ZNF430: variants seen among roughly 807,000 people sequenced by gnomAD.
ZNF430 encodes the protein zinc finger protein 430.
In ZNF430, 35 loss-of-function variants were observed where a neutral mutation model predicts 56.7. The ratio of observed to expected loss-of-function variants is 0.62; its 90% confidence interval spans 0.47 to 0.82. The LOEUF (loss-of-function observed/expected upper bound fraction) is 0.82. ZNF430 is among the 40% of genes least tolerant of loss of function. The probability of loss-of-function intolerance (pLI) is 0.00; values close to 1 mark genes in which losing one functional copy is unlikely to be tolerated. For missense variants in ZNF430, 574 were observed against 661.0 expected, an observed-to-expected ratio of 0.87 and a Z score of 1.44; for synonymous variants, 212 against 224.3, an observed-to-expected ratio of 0.94 and a Z score of 0.49.
rs186092208 is a variant in ZNF430 at position 21,027,483 on chromosome 19, G to A, written c.96+4602G>A. Among the ~76,000 whole-genome samples the A allele has an allele frequency of 5.4e-3, 826 of 152,236 alleles. 14 individuals are homozygous for A. The highest frequency in any genetic ancestry group is 6.3e-3 in the Non-Finnish European group (426 of 68,016). Reference sequence around the variant, plus strand: ...TGGAACCAACTTGCCTCCCAGAGATGCAGCCTACTTGATTATAGTGGATTA... The same window carrying A: ...TGGAACCAACTTGCCTCCCAGAGATACAGCCTACTTGATTATAGTGGATTA... On this transcript the variant is annotated intron_variant, in intron 2 of 4. Transcript: ENST00000261560.
intron 4 of ZNF430, among the ~76,000 whole-genome samples, chr19:21,047,155 G>T (rs993808807): frequency 1.3e-5 from 2 of 152,166 alleles, no homozygotes; most frequent in Non-Finnish European, 2.9e-5. Flanking sequence ...GCGTTGTGAA[G>T]TTCTGATGCT....
chr19:21,050,429 G>A (rs1230679856), intron 4 of ZNF430, among the ~76,000 whole-genome samples: 2 of 152,108 alleles, frequency 1.3e-5, no homozygotes, highest in African/African-American at 4.8e-5. Context: ...ATATAAATCA[G>A]CCATATGTCT....
chr19:21,033,584 T>C lies in ZNF430; in HGVS notation c.223+2T>C, dbSNP rs774799467. 1.2e-6 allele frequency: 2 copies of C among 1,604,582 alleles called. No individual in the cohort carries two copies. The highest frequency in any genetic ancestry group is 2.2e-5 in the South Asian group (2 of 90,088). On this transcript the variant is annotated splice_donor_variant, in intron 3 of 4. Coordinates refer to ENST00000261560, the MANE Select transcript of ZNF430 (RefSeq NM_025189.4). LOFTEE classifies it high-confidence loss of function. ...ACTACAGAAACCTGGTCTTCTTGGGTGAGAATAACTTTAGTACACAATTAC... is the reference window on the plus strand; with the variant it reads ...ACTACAGAAACCTGGTCTTCTTGGGCGAGAATAACTTTAGTACACAATTAC...
chr19:21,040,838 T>A (rs1247370368), intron 4 of ZNF430, among the ~76,000 whole-genome samples: 1 of 152,168 alleles, frequency 6.6e-6, no homozygotes, highest in Non-Finnish European at 1.5e-5. Context: ...TATATACATA[T>A]ACATATAAAC....
At chr19:21,049,111 T>C (rs993747775) in intron 4 of ZNF430, among the ~76,000 whole-genome samples, 2 of 142,152 alleles carry the variant, frequency 1.4e-5, no homozygotes, top group Non-Finnish European at 3.0e-5. Flanking sequence ...ATGACAGAGG[T>C]TGCAGTGAGC....
chr19:21,052,574 T>C (rs1968300936), intron 4 of ZNF430, among the ~76,000 whole-genome samples: 1 of 152,230 alleles, frequency 6.6e-6, no homozygotes, highest in Non-Finnish European at 1.5e-5. Flanking sequence ...TTAATGTCTT[T>C]GTCTCTTTGC....
chr19:21,024,252 T>TG (rs949517826), intron 2 of ZNF430, among the ~76,000 whole-genome samples: 24 of 152,190 alleles, frequency 1.6e-4, no homozygotes, highest in African/African-American at 5.8e-4. Flanking sequence ...CACAGGCAGA[T>TG]GCAGTTAAGG....
At chr19:21,025,844 G>A (rs764417178) in intron 2 of ZNF430, 5 of 251,470 alleles carry the variant, frequency 2.0e-5, no homozygotes, top group Non-Finnish European at 3.8e-5. Context: ...ATTGGAACTG[G>A]GAAACCTCCT....
At chr19:21,025,643 A>G (rs977002657) in intron 2 of ZNF430, among the ~76,000 whole-genome samples, 1 of 151,582 alleles carries the variant, frequency 6.6e-6, no homozygotes, top group Non-Finnish European at 1.5e-5. Flanking sequence ...CTGGAGTGCA[A>G]CGGCATCATC....
At chr19:21,047,896 C>T (rs1021133070) in intron 4 of ZNF430, among the ~76,000 whole-genome samples, 3 of 152,168 alleles carry the variant, frequency 2.0e-5, no homozygotes, top group Non-Finnish European at 4.4e-5. Context: ...GAGGGAAATT[C>T]CATACATCTG....
rs984369941 is a variant in ZNF430 at position 21,034,245 on chromosome 19, A to G, written c.322+61A>G. ...AGAGGTCCAAAAAAGAAGAAAGCCA[A>G]TGCTTAAAATGTTATTTGAGAATCT... On this transcript the variant is annotated intron_variant, in intron 4 of 4. Transcript: ENST00000261560. The G allele has an allele frequency of 1.6e-5, 18 of 1,146,724 alleles. No homozygotes were observed. The African/African-American group carries it at 1.7e-4, about 11-fold the overall frequency. 71.0% of individuals were successfully genotyped at this position (1,146,724 alleles called of 1,614,324 possible).
At position 21,053,946 on chromosome 19, in the gene ZNF430, T is replaced by A. The variant is rs148048266; in HGVS notation, c.323-2685T>A. 4.2e-3 allele frequency among the ~76,000 whole-genome samples: 635 copies of A among 152,084 alleles called. 5 individuals are homozygous for A. The highest frequency in any genetic ancestry group is 0.014 in the African/African-American group (583 of 41,512). On this transcript the variant is annotated intron_variant, in intron 4 of 4. Coordinates refer to ENST00000261560, the MANE Select transcript of ZNF430 (RefSeq NM_025189.4). The stretch of plus-strand genomic sequence containing the variant: ...CTATACAAATATATTATTTGTGCTA[T>A]CTTGGGGATTACATAAAACCTCTAA...
chr19:21,054,669 C>CTTTTTTTTTTTTTTTT lies in ZNF430; in HGVS notation c.323-1953_323-1938dup, dbSNP rs55772412. ...TTTTTGAGCTTCTTCATTTTTACGT[C>CTTTTTTTTTTTTTTTT]TTTTTTTTTTTTTTTTTTTTTTTTG... On this transcript the variant is annotated intron_variant, in intron 4 of 4. Transcript: ENST00000261560. Among the ~76,000 whole-genome samples, 43 of 65,594 alleles carry CTTTTTTTTTTTTTTTT rather than the reference C, an allele frequency of 6.6e-4. 5 individuals are homozygous for CTTTTTTTTTTTTTTTT. The highest frequency in any genetic ancestry group is 2.5e-3 in the African/African-American group (39 of 15,714). The allele number at this position is 65,594 out of a possible 152,430, so 43.0% of individuals were successfully genotyped here. A position where few individuals can be genotyped will look rare whatever the true frequency, so the allele number is the denominator to read the frequency against.
intron 4 of ZNF430, among the ~76,000 whole-genome samples, chr19:21,045,540 T>C (rs1968173202): frequency 6.6e-6 from 1 of 152,214 alleles, no homozygotes; most frequent in African/African-American, 2.4e-5. Context: ...AGAATGTGTA[T>C]TGTGTTGTTT....
Position 21,020,918 on chromosome 19 carries a change from G to T in ZNF430, c.3+115G>T, listed in dbSNP as rs572982513. The T allele has an allele frequency of 4.4e-3, 6,458 of 1,459,002 alleles. 29 individuals carry two copies. Among genetic ancestry groups the T allele is most frequent in the Non-Finnish European group, 5.5e-3 (5,799 of 1,045,900 alleles). The allele number at this position is 1,459,002 out of a possible 1,614,324, so 90.4% of individuals were successfully genotyped here. On this transcript the variant is annotated intron_variant, in intron 1 of 4. Coordinates refer to ENST00000261560, the MANE Select transcript of ZNF430 (RefSeq NM_025189.4). The stretch of plus-strand genomic sequence containing the variant: ...CAGTCAGCTGCACAATCTGCGCCCC[G>T]AGTTCTTGCCCAGCTGGGCCTCAGT...
At chr19:21,042,485 T>G (rs1968119469) in intron 4 of ZNF430, among the ~76,000 whole-genome samples, 1 of 152,128 alleles carries the variant, frequency 6.6e-6, no homozygotes, top group African/African-American at 2.4e-5. Context: ...GTTTCTTGAC[T>G]TTTTAATAAT....
intron 2 of ZNF430, among the ~76,000 whole-genome samples, chr19:21,023,700 C>T (rs1568582337): frequency 6.6e-6 from 1 of 152,074 alleles, no homozygotes; most frequent in Non-Finnish European, 1.5e-5. Context: ...TGGTGAGTTA[C>T]ATACATTCAT....
intron 4 of ZNF430, among the ~76,000 whole-genome samples, chr19:21,047,015 A>G (rs9941463): frequency 0.83 from 126,821 of 152,082 alleles, 54,668 homozygotes; most frequent in Middle Eastern, 0.95. Flanking sequence ...CATAGACCTC[A>G]GAGATTTCTC....
At chr19:21,052,232 C>T (rs1968296182) in intron 4 of ZNF430, among the ~76,000 whole-genome samples, 1 of 151,744 alleles carries the variant, frequency 6.6e-6, no homozygotes, top group South Asian at 2.1e-4. Context: ...CTTTTTTTGC[C>T]TACCAGGTGG....
Sources: allele counts gnomAD v4.1 joint callset (sites outside exome capture counted in the v4.1 genomes callset), GRCh38; gene constraint gnomAD v4.1.1; transcripts MANE v1.5; gene names NCBI Gene and HGNC (gene_info 2026-07-23, HGNC 2026-07-21).